The following JADE1 variants were observed in gnomAD, a reference collection of about 807,000 sequenced individuals.
JADE1 encodes the protein jade family PHD finger 1.
A neutral mutation model predicts 81.8 loss-of-function variants in JADE1; 14 were observed. The observed-to-expected ratio is 0.17, with a 90% CI of 0.11 to 0.27. JADE1 has a LOEUF of 0.27. Among genes scored for constraint, JADE1 ranks in the 10% least tolerant of loss-of-function variants. The pLI is 1.00. For synonymous variants in JADE1, 353 were observed against 391.9 expected (o/e 0.90, Z 1.17); for missense variants, 690 against 1,047.9 (o/e 0.66, Z 4.71).
In JADE1 at chr4:128,873,780, G is replaced by A. The variant is rs1298146417; in HGVS notation, c.*1518G>A. 1 of 152,462 alleles carries A rather than the reference G, an allele frequency of 6.6e-6. No homozygotes were observed. Among genetic ancestry groups the A allele is most frequent in the African/African-American group, 2.4e-5 (1 of 41,432 alleles). 9.4% of individuals were successfully genotyped at this position (152,462 alleles called of 1,614,324 possible). On this transcript the variant is annotated 3_prime_UTR_variant, in exon 11 of 11. Coordinates refer to ENST00000226319, the MANE Select transcript of JADE1 (RefSeq NM_199320.4). ...TTCATTTATACATCTGTTTCCATAT[G>A]GCAGGGACATTATGATACTTAATGA...
intron 5 of JADE1, among the ~76,000 whole-genome samples, 185 bp downstream of exon 5, chr4:128,849,352 T>C (rs1460813496): frequency 6.6e-6 from 1 of 152,268 alleles, no homozygotes; most frequent in East Asian, 1.9e-4. Context: ...TGTGCTGAGA[T>C]GGTTTCAGAG....
intron 10 of JADE1, 50 bp downstream of exon 10, chr4:128,868,023 C>T (rs1731909592): frequency 1.1e-6 from 1 of 881,666 alleles, no homozygotes; most frequent in African/African-American, 1.7e-5. Context: ...GGTTTGTAAG[C>T]TTTAACACTG....
intron 1 of JADE1, among the ~76,000 whole-genome samples, chr4:128,825,713 A>G (rs1265341305): frequency 6.6e-6 from 1 of 152,238 alleles, no homozygotes; most frequent in African/African-American, 2.4e-5. Context: ...TGTTCACCGT[A>G]TCTCTGACGT....
intron 1 of JADE1, among the ~76,000 whole-genome samples, chr4:128,818,020 A>G (rs1477420730): frequency 1.3e-5 from 2 of 152,168 alleles, no homozygotes; most frequent in Non-Finnish European, 2.9e-5. Flanking sequence ...TAGGAGCCTC[A>G]GGGGTTTTCT....
chr4:128,810,811 C>G (rs1337490178), intron 1 of JADE1, among the ~76,000 whole-genome samples: 1 of 152,060 alleles, frequency 6.6e-6, no homozygotes, highest in Non-Finnish European at 1.5e-5. Flanking sequence ...AGATCTTTTA[C>G]TTACAGCGCG....
intron 1 of JADE1, among the ~76,000 whole-genome samples, chr4:128,830,529 C>T (rs1728462592): frequency 6.6e-6 from 1 of 152,184 alleles, no homozygotes; most frequent in Non-Finnish European, 1.5e-5. Context: ...CCACCATGCC[C>T]AGCCACATTT....
At chr4:128,830,007 A>G (rs568004337) in intron 1 of JADE1, among the ~76,000 whole-genome samples, 44 of 150,970 alleles carry the variant, frequency 2.9e-4, no homozygotes, top group African/African-American at 1.0e-3. Flanking sequence ...CCTCCTGAGT[A>G]GCTGGGATTA....
rs17013772 is a variant in JADE1, at chr4:128,837,440, T to C, written c.53-5513T>C. On this transcript the variant is annotated intron_variant, in intron 2 of 10. Coordinates refer to ENST00000226319, the MANE Select transcript of JADE1 (RefSeq NM_199320.4). ...AATGTATGTATGATGCCTTTGTTTG[T>C]TGGAAGTGGAAGTGAGTTTGGCTGT... Among the ~76,000 whole-genome samples, 360 of 152,220 alleles carry C rather than the reference T, an allele frequency of 2.4e-3. 2 individuals carry two copies. The highest frequency in any genetic ancestry group is 7.6e-3 in the African/African-American group (314 of 41,512).
At chr4:128,857,654 A>G (rs1473344867) in intron 8 of JADE1, among the ~76,000 whole-genome samples, 200 bp downstream of exon 8, 1 of 152,156 alleles carries the variant, frequency 6.6e-6, no homozygotes, top group Non-Finnish European at 1.5e-5. Context: ...CTAGAACCCA[A>G]GCTTTCACAG....
chr4:128,818,309 C>T (rs772561293), intron 1 of JADE1, among the ~76,000 whole-genome samples: 107 of 151,940 alleles, frequency 7.0e-4, no homozygotes, highest in Middle Eastern at 6.8e-3. Context: ...TTAGTAGAGA[C>T]GAGGTTTCAC....
intron 3 of JADE1, among the ~76,000 whole-genome samples, chr4:128,844,733 T>G (rs933952465): frequency 2.0e-5 from 3 of 152,062 alleles, no homozygotes; most frequent in African/African-American, 7.2e-5. Flanking sequence ...TACACGTGAT[T>G]TTTGTGGGAG....
At chr4:128,837,864 C>T (rs1394028597) in intron 2 of JADE1, among the ~76,000 whole-genome samples, 4 of 152,218 alleles carry the variant, frequency 2.6e-5, no homozygotes, top group Non-Finnish European at 5.9e-5. Context: ...AAGGTTCTTT[C>T]ATAGTTTGCA....
In JADE1 at chr4:128,873,537, A is replaced by G. The variant is rs1461601332; in HGVS notation, c.*1275A>G. On this transcript the variant is annotated 3_prime_UTR_variant, in exon 11 of 11. Coordinates refer to ENST00000226319, the MANE Select transcript of JADE1 (RefSeq NM_199320.4). ...TAAATTTAGCATTAAATTTGAGTAC[A>G]ATGTTTTGTTTTTGCACTCCCCATA... 1.3e-5 allele frequency: 2 copies of G among 152,568 alleles called. No homozygotes were observed. The highest frequency in any genetic ancestry group is 1.3e-4 in the Admixed American group (2 of 15,268). The allele number at this position is 152,568 out of a possible 1,614,324, so 9.5% of individuals were successfully genotyped here.
chr4:128,828,075 C>T (rs1199153615), intron 1 of JADE1, among the ~76,000 whole-genome samples: 2 of 152,118 alleles, frequency 1.3e-5, no homozygotes, highest in African/African-American at 4.8e-5. Flanking sequence ...AGTGAATTTC[C>T]GTTGTTTTCC....
intron 1 of JADE1, among the ~76,000 whole-genome samples, chr4:128,812,821 A>G (rs189649102): frequency 2.6e-5 from 4 of 152,300 alleles, no homozygotes; most frequent in South Asian, 4.1e-4. Flanking sequence ...GTCGCCCTCT[A>G]TTTGCCCCGG....
chr4:128,827,337 A>G (rs1728167796), intron 1 of JADE1, among the ~76,000 whole-genome samples: 1 of 152,252 alleles, frequency 6.6e-6, no homozygotes, highest in African/African-American at 2.4e-5. Flanking sequence ...AGAAAGTTGA[A>G]CTGAGCAGTA....
At chr4:128,864,230 C>T (rs985704835) in intron 9 of JADE1, 1 of 615,054 alleles carries the variant, frequency 1.6e-6, no homozygotes, top group African/African-American at 2.0e-5. Context: ...TCACTGCAGC[C>T]TCCGCCTCCC....
In JADE1 at chr4:128,873,440, G is replaced by A. The variant is rs1007462985; in HGVS notation, c.*1178G>A. Reference sequence around the variant, plus strand: ...CTTGAATAGGTTTTCTGTAGTCAGAGTTCTAAACTCTAATTTGTAACTTGG... The same window carrying A: ...CTTGAATAGGTTTTCTGTAGTCAGAATTCTAAACTCTAATTTGTAACTTGG... On this transcript the variant is annotated 3_prime_UTR_variant, in exon 11 of 11. Transcript: ENST00000226319. The A allele has an allele frequency of 3.3e-5, 5 of 152,578 alleles. No individual in the cohort carries two copies. The highest frequency in any genetic ancestry group is 9.7e-5 in the African/African-American group (4 of 41,436). The allele number at this position is 152,578 out of a possible 1,614,324, so 9.5% of individuals were successfully genotyped here. A position where few individuals can be genotyped will look rare whatever the true frequency, so the allele number is the denominator to read the frequency against.
intron 10 of JADE1, among the ~76,000 whole-genome samples, chr4:128,870,142 C>T (rs1410730582): frequency 2.0e-5 from 3 of 152,164 alleles, no homozygotes; most frequent in Non-Finnish European, 4.4e-5. Context: ...TTCTCTTTTC[C>T]TGTGGCAGGT....
Sources: allele counts gnomAD v4.1 joint callset (sites outside exome capture counted in the v4.1 genomes callset), GRCh38; gene constraint gnomAD v4.1.1; transcripts MANE v1.5; gene names NCBI Gene and HGNC (gene_info 2026-07-23, HGNC 2026-07-21).